Variants in PRKAR1B observed in about 807,000 individuals in gnomAD.
PRKAR1B encodes cAMP-dependent protein kinase type I-beta regulatory subunit.
A neutral mutation model predicts 46.5 loss-of-function variants in PRKAR1B; 22 were observed. The ratio of observed to expected loss-of-function variants is 0.47; its 90% CI spans 0.34 to 0.68. The LOEUF is 0.68. Among genes scored for constraint, PRKAR1B ranks in the 30% least tolerant of loss-of-function variants. PRKAR1B has a pLI of 0.01. For synonymous variants in PRKAR1B, 259 were observed against 217.7 expected (o/e 1.19, Z -1.67); for missense variants, 445 against 535.6 (o/e 0.83, Z 1.67).
At position 682,898 on chromosome 7, in the gene PRKAR1B, A is replaced by G. The variant is rs1583412459; in HGVS notation, c.178-2172T>C. Among the ~76,000 whole-genome samples, 3 of 152,048 alleles carry G rather than the reference A, an allele frequency of 2.0e-5. No homozygotes were observed. The South Asian group carries it at 6.2e-4, about 32-fold the overall frequency. ...CAGCCTCGAGGTGGGTGCGGCCCCC[A>G]ACCCCTCACACAGATCAGGCACACA... On this transcript the variant is annotated intron_variant, in intron 2 of 10. Coordinates refer to ENST00000537384, the MANE Select transcript of PRKAR1B (RefSeq NM_001164760.2).
chr7:664,419 G>C (rs944496646), intron 4 of PRKAR1B, among the ~76,000 whole-genome samples: 1 of 152,186 alleles, frequency 6.6e-6, no homozygotes, highest in African/African-American at 2.4e-5. Context: ...CCTGCCCGGG[G>C]CAGTGGGCCT....
chr7:649,148 A>G (rs1784766065), intron 4 of PRKAR1B, among the ~76,000 whole-genome samples: 4 of 152,252 alleles, frequency 2.6e-5, no homozygotes, highest in Non-Finnish European at 5.9e-5. Context: ...TGGGTGACAG[A>G]GTGAGACTCC....
At chr7:698,452 G>A (rs963292900) in intron 2 of PRKAR1B, among the ~76,000 whole-genome samples, 1 of 151,958 alleles carries the variant, frequency 6.6e-6, no homozygotes, top group African/African-American at 2.4e-5. Context: ...GTAAGTACGT[G>A]TGCGTGTGTG....
chr7:661,405 CCA>C (rs550058904), intron 4 of PRKAR1B, among the ~76,000 whole-genome samples: 68 of 89,874 alleles, frequency 7.6e-4, no homozygotes, highest in African/African-American at 1.0e-3. Context: ...TACTCTCCCC[CCA>C]CCATGGCACA....
At chr7:619,436 G>C (rs1439420188) in intron 4 of PRKAR1B, among the ~76,000 whole-genome samples, 1 of 152,214 alleles carries the variant, frequency 6.6e-6, no homozygotes, top group Non-Finnish European at 1.5e-5. Context: ...TGGCATATAT[G>C]ATCATCACTC....
Position 574,747 on chromosome 7 carries a change from G to A in PRKAR1B, c.891+4509C>T, listed in dbSNP as rs536566813. 9.2e-4 allele frequency among the ~76,000 whole-genome samples: 140 copies of A among 152,266 alleles called. 2 individuals carry two copies. The South Asian group carries it at 0.012, about 13-fold the overall frequency. On this transcript the variant is annotated intron_variant, in intron 9 of 10. Coordinates refer to ENST00000537384, the MANE Select transcript of PRKAR1B (RefSeq NM_001164760.2). Reference sequence around the variant, plus strand: ...GCGTGAGCCACCACGCCTGGCCAGCGACCCAGATTTTTATGTGAAATCTCC... The same window carrying A: ...GCGTGAGCCACCACGCCTGGCCAGCAACCCAGATTTTTATGTGAAATCTCC...
intron 4 of PRKAR1B, among the ~76,000 whole-genome samples, chr7:663,687 A>G (rs1216861574): frequency 6.6e-6 from 1 of 152,152 alleles, no homozygotes; most frequent in East Asian, 1.9e-4. Context: ...GGTGGCCCGA[A>G]GCAGGTGGCC....
At position 635,404 on chromosome 7, in the gene PRKAR1B, G is replaced by T. The variant is rs139292089; in HGVS notation, c.441-27952C>A. On this transcript the variant is annotated intron_variant, in intron 4 of 10. Transcript: ENST00000537384. ...CTGAAAACAGGGGTCAGAGCAGCAG[G>T]CCTGGGCCACAGAGCCTCAGAAGGA... is the stretch of plus-strand genomic sequence containing the variant. Among the ~76,000 whole-genome samples, 119 of 152,348 alleles carry T rather than the reference G, an allele frequency of 7.8e-4. 1 individual carries two copies. In the East Asian group the frequency reaches 0.022, roughly 28 times the overall value.
chr7:668,353 A>G (rs1441333005), intron 4 of PRKAR1B, among the ~76,000 whole-genome samples: 1 of 152,160 alleles, frequency 6.6e-6, no homozygotes, highest in East Asian at 1.9e-4. Context: ...CACAGGGGAG[A>G]CATCACGTGA....
chr7:661,029 C>T (rs1295319813), intron 4 of PRKAR1B, among the ~76,000 whole-genome samples: 2 of 50,268 alleles, frequency 4.0e-5, no homozygotes, highest in Non-Finnish European at 4.1e-5. Context: ...CACAGGTCCC[C>T]ACCCCAACGG....
At chr7:711,757 A>AG (rs912089050) in intron 1 of PRKAR1B, among the ~76,000 whole-genome samples, 3 of 151,630 alleles carry the variant, frequency 2.0e-5, no homozygotes, top group African/African-American at 4.8e-5. Context: ...GGGCTCAGGC[A>AG]GGGGGGGAGG....
intron 9 of PRKAR1B, among the ~76,000 whole-genome samples, chr7:558,999 G>C (rs1778619894): frequency 6.6e-6 from 1 of 152,216 alleles, no homozygotes; most frequent in Non-Finnish European, 1.5e-5. Context: ...CCCCGTCCCA[G>C]CCAGGTTCCC....
At chr7:695,943 C>T (rs574020875) in intron 2 of PRKAR1B, among the ~76,000 whole-genome samples, 141 of 141,790 alleles carry the variant, frequency 9.9e-4, no homozygotes, top group African/African-American at 3.2e-3. Context: ...GGATTATAGG[C>T]GTGAGCCACT....
intron 2 of PRKAR1B, among the ~76,000 whole-genome samples, chr7:682,512 G>A (rs746611836): frequency 3.3e-5 from 5 of 152,238 alleles, no homozygotes; most frequent in Admixed American, 2.6e-4. Flanking sequence ...TTGGGAGGCC[G>A]AGATGGGTGG....
intron 4 of PRKAR1B, among the ~76,000 whole-genome samples, chr7:631,798 A>C (rs938585732): frequency 2.0e-5 from 3 of 152,000 alleles, no homozygotes; most frequent in Admixed American, 6.6e-5. Flanking sequence ...AAAAAAAAAA[A>C]AATTGGAAAT....
intron 7 of PRKAR1B, among the ~76,000 whole-genome samples, chr7:594,659 GAGGGGACCCCCTAGACCACA>G (rs1250681644): frequency 1.3e-5 from 2 of 152,126 alleles, no homozygotes; most frequent in Non-Finnish European, 2.9e-5. Flanking sequence ...CCAAGACCAT[GAGGGGACCCCCTAGACCACA>G]AGGGGACCCC....
At chr7:630,011 C>G (rs1283655068) in intron 4 of PRKAR1B, among the ~76,000 whole-genome samples, 256 of 83,486 alleles carry the variant, frequency 3.1e-3, no homozygotes, top group Middle Eastern at 0.02. Context: ...CACGGCCTCC[C>G]AGGGCGCCAC....
Position 714,863 on chromosome 7 carries a change from G to A in PRKAR1B, c.-22-3336C>T, listed in dbSNP as rs1347142214. The stretch of plus-strand genomic sequence containing the variant: ...TCAAACCAAACCTGAGGCCCTTCCC[G>A]TATCTGGACTTCCCAATTATGTTCA... On this transcript the variant is annotated intron_variant, in intron 1 of 10. Coordinates refer to ENST00000537384, the MANE Select transcript of PRKAR1B (RefSeq NM_001164760.2). This position sits in a 1 kb window ranked among gnomAD's most constrained non-coding sequence, Gnocchi z 4.3. Among the ~76,000 whole-genome samples, 2 of 152,180 alleles carry A rather than the reference G, an allele frequency of 1.3e-5. No individual in the cohort carries two copies. The highest frequency in any genetic ancestry group is 2.9e-5 in the Non-Finnish European group (2 of 68,034).
intron 4 of PRKAR1B, among the ~76,000 whole-genome samples, chr7:658,674 A>G (rs1785338292): frequency 6.6e-6 from 1 of 152,058 alleles, no homozygotes; most frequent in South Asian, 2.1e-4. Context: ...TTTTTGAGAT[A>G]GAGTCTTACT....
Sources: allele counts gnomAD v4.1 joint callset (sites outside exome capture counted in the v4.1 genomes callset), GRCh38; gene constraint gnomAD v4.1.1; non-coding constraint Gnocchi (gnomAD v3.1); transcripts MANE v1.5; gene names NCBI Gene and HGNC (gene_info 2026-07-23, HGNC 2026-07-21).